The following CGGBP1 variants were observed in gnomAD, a reference collection of about 807,000 sequenced individuals.
The protein encoded by CGGBP1 is CGG triplet repeat binding protein 1.
In CGGBP1, 4 loss-of-function variants were observed where a neutral mutation model predicts 11.4. The ratio of observed to expected loss-of-function variants is 0.35; its 90% confidence interval spans 0.17 to 0.80. CGGBP1 has a LOEUF of 0.80. Among genes scored for constraint, CGGBP1 ranks in the 30% least tolerant of loss-of-function variants. The pLI, the probability that CGGBP1 is intolerant of heterozygous loss-of-function variation, is 0.52. For synonymous variants in CGGBP1, 76 were observed against 74.1 expected, an observed-to-expected ratio of 1.03 and a Z score of -0.13; for missense variants, 135 against 202.1, an observed-to-expected ratio of 0.67 and a Z score of 2.01.
rs1706666251 is a variant in CGGBP1 at position 88,058,922 on chromosome 3, T to TGCCGCCGTCGCC, written c.-450_-439dup. On this transcript the variant is annotated 5_prime_UTR_variant, in exon 1 of 4. Transcript: ENST00000482016. ...ATAAGGGAGGAGGAGGATCCGTCGCTGCCGCCGTCGCCGCCGTTGCCCGAT... is the reference window on the plus strand; with the variant it reads ...ATAAGGGAGGAGGAGGATCCGTCGCTGCCGCCGTCGCCGCCGCCGTCGCCGCCGTTGCCCGAT... 3 of 192,726 alleles carry TGCCGCCGTCGCC rather than the reference T, an allele frequency of 1.6e-5. No individual in the cohort carries two copies. Among genetic ancestry groups the TGCCGCCGTCGCC allele is most frequent in the African/African-American group, 2.3e-5 (1 of 42,568 alleles). 11.9% of individuals were successfully genotyped at this position (192,726 alleles called of 1,614,324 possible).
chr3:88,071,953 T>C (rs1417816258), intron 2 of CGGBP1, among the ~76,000 whole-genome samples: 1 of 152,222 alleles, frequency 6.6e-6, no homozygotes, highest in East Asian at 1.9e-4. Flanking sequence ...GCTCATAAAA[T>C]GCTGTATTTT....
chr3:88,085,544 T>C (rs1030432940), intron 2 of CGGBP1, among the ~76,000 whole-genome samples: 1 of 152,192 alleles, frequency 6.6e-6, no homozygotes, highest in Non-Finnish European at 1.5e-5. Flanking sequence ...TTTGTTAATA[T>C]AATATATTGT....
chr3:88,128,015 C>A (rs901227413), intron 2 of CGGBP1, among the ~76,000 whole-genome samples: 1 of 152,118 alleles, frequency 6.6e-6, no homozygotes, highest in Non-Finnish European at 1.5e-5. Flanking sequence ...AATTAAAATA[C>A]TTCTGGATTC....
chr3:88,061,193 A>C (rs1411445521), upstream of CGGBP1, among the ~76,000 whole-genome samples: 1 of 152,136 alleles, frequency 6.6e-6, no homozygotes, highest in Non-Finnish European at 1.5e-5. Flanking sequence ...GATACAATTT[A>C]TATTTTTAAT....
chr3:88,137,935 T>A (rs1706896836), intron 2 of CGGBP1, among the ~76,000 whole-genome samples: 1 of 152,088 alleles, frequency 6.6e-6, no homozygotes, highest in African/African-American at 2.4e-5. Flanking sequence ...TATTATGGTG[T>A]CTCCTCCAAT....
intron 2 of CGGBP1, among the ~76,000 whole-genome samples, chr3:88,086,866 T>A (rs1220235541): frequency 2.6e-5 from 4 of 152,066 alleles, no homozygotes; most frequent in African/African-American, 9.7e-5. Flanking sequence ...CACTGCAAGC[T>A]CCCCCTCCCG....
At chr3:88,057,694 A>C (rs1208383597) in intron 2 of CGGBP1, 1 of 152,236 alleles carries the variant, frequency 6.6e-6, no homozygotes. Flanking sequence ...GTATCTTTAA[A>C]TATTTGGATT....
At chr3:88,076,219 C>T (rs893717828) in intron 2 of CGGBP1, among the ~76,000 whole-genome samples, 1 of 152,158 alleles carries the variant, frequency 6.6e-6, no homozygotes, top group African/African-American at 2.4e-5. Flanking sequence ...AGACTTTCTG[C>T]CTTTTAAAAA....
chr3:88,140,876 T>G (rs368148211), intron 2 of CGGBP1: 1 of 1,613,636 alleles, frequency 6.2e-7, no homozygotes, highest in Non-Finnish European at 8.5e-7. Context: ...GCAGAAAATT[T>G]CTGACTGATA....
intron 2 of CGGBP1, among the ~76,000 whole-genome samples, chr3:88,064,398 C>A (rs1451366037): frequency 2.0e-5 from 3 of 152,122 alleles, no homozygotes; most frequent in Non-Finnish European, 2.9e-5. Flanking sequence ...CCTTTCCTTC[C>A]TGCTACCCTC....
rs1237470108 is a variant in CGGBP1 at position 88,134,342 on chromosome 3, A to C, written c.-229+6628T>G. Among the ~76,000 whole-genome samples the C allele has an allele frequency of 2.0e-5, 3 of 152,092 alleles. No homozygotes were observed. In the East Asian group the frequency reaches 5.8e-4, roughly 29 times the overall value. On this transcript the variant is annotated intron_variant, in intron 2 of 3. Coordinates refer to the CGGBP1 transcript ENST00000462901. ...AAAAAATATTTTCATTAATTATTTT[A>C]ATACTTTTAGATTATGATGCTTTGT... is the stretch of plus-strand genomic sequence containing the variant.
chr3:88,088,849 T>C (rs1002957540), intron 2 of CGGBP1, among the ~76,000 whole-genome samples: 2 of 151,928 alleles, frequency 1.3e-5, no homozygotes, highest in African/African-American at 4.8e-5. Flanking sequence ...CTCGGCTCAC[T>C]GCAACCTACA....
chr3:88,098,467 CCTAA>C (rs1359034261), intron 2 of CGGBP1, among the ~76,000 whole-genome samples: 1 of 152,118 alleles, frequency 6.6e-6, no homozygotes, highest in African/African-American at 2.4e-5. Flanking sequence ...GGGAATCCTC[CCTAA>C]CTCTTTTTAT....
At chr3:88,068,706 A>C (rs369152630) in intron 2 of CGGBP1, among the ~76,000 whole-genome samples, 45 of 152,250 alleles carry the variant, frequency 3.0e-4, no homozygotes, top group African/African-American at 1.0e-3. Flanking sequence ...GATTGTGATA[A>C]GTTGTTTACC....
chr3:88,095,397 A>AT, intron 2 of CGGBP1: 1 of 331,580 alleles, frequency 3.0e-6, no homozygotes, highest in Non-Finnish European at 5.7e-6. Context: ...AGTGACAGGG[A>AT]TCACCCCCTT....
intron 2 of CGGBP1, among the ~76,000 whole-genome samples, chr3:88,124,772 GTT>G (rs11287888): frequency 9.0e-4 from 132 of 147,138 alleles, no homozygotes; most frequent in Admixed American, 1.6e-3. Flanking sequence ...ACAATACTCA[GTT>G]TTTTTTTTTT....
At chr3:88,075,987 C>T (rs1374362941) in intron 2 of CGGBP1, among the ~76,000 whole-genome samples, 3 of 152,202 alleles carry the variant, frequency 2.0e-5, no homozygotes, top group African/African-American at 7.2e-5. Context: ...ATTTACTTCC[C>T]TGAGACCTAA....
At chr3:88,137,256 T>G (rs1320559454) in intron 2 of CGGBP1, among the ~76,000 whole-genome samples, 1 of 151,428 alleles carries the variant, frequency 6.6e-6, no homozygotes, top group Non-Finnish European at 1.5e-5. Flanking sequence ...AAACGAATTC[T>G]GTTTTGAATG....
chr3:88,097,147 T>C (rs1330233997), intron 2 of CGGBP1, among the ~76,000 whole-genome samples: 1 of 152,158 alleles, frequency 6.6e-6, no homozygotes, highest in African/African-American at 2.4e-5. Context: ...ATGACCGGAA[T>C]ATGTACAAGG....
Sources: gnomAD v4.1 joint callset for allele counts (sites outside exome capture counted in the v4.1 genomes callset) on GRCh38, gnomAD v4.1.1 for gene constraint, MANE v1.5 for transcripts, NCBI Gene and HGNC (gene_info 2026-07-23, HGNC 2026-07-21) for gene names.